Variants in GNAS observed in about 807,000 individuals in gnomAD.
The protein encoded by GNAS is GNAS complex locus, also known as protein ALEX.
GNAS carries 8 observed loss-of-function variants against 54.5 expected under a neutral mutation model. The observed-to-expected ratio is 0.15, with a 90% CI of 0.09 to 0.26. The LOEUF is 0.26. Among genes scored for constraint, GNAS ranks in the 10% least tolerant of loss-of-function variants. The probability of loss-of-function intolerance (pLI) is 1.00; values close to 1 mark genes in which losing one functional copy is unlikely to be tolerated. For synonymous variants in GNAS, 204 were observed against 191.4 expected (o/e 1.07, Z -0.54); for missense variants, 170 against 529.8 (o/e 0.32, Z 6.67).
Position 58,891,693 on chromosome 20 carries a change from AGCCCGGCCGCGCCCCGCCGCC to A in GNAS, c.-30_-10del. The A allele has an allele frequency of 1.0e-6, 1 of 984,250 alleles. No homozygotes were observed. The highest frequency in any genetic ancestry group is 2.0e-5 in the African/African-American group (1 of 50,882). 61.0% of individuals were successfully genotyped at this position (984,250 alleles called of 1,614,324 possible). A position where few individuals can be genotyped will look rare whatever the true frequency, so the allele number is the denominator to read the frequency against. ...GGCCGCCCGCGCCCGCCGCCGCCGC[AGCCCGGCCGCGCCCCGCCGCC>A]GCCGCCGCCGCCATGGGCTGCCTCG... On this transcript the variant is annotated 5_prime_UTR_variant, in exon 1 of 13. Transcript: ENST00000371085.
intron 3 of GNAS, among the ~76,000 whole-genome samples, chr20:58,902,089 C>T (rs561204253): frequency 3.7e-4 from 55 of 147,288 alleles, no homozygotes; most frequent in Admixed American, 4.8e-4. Flanking sequence ...AACTCTGTCC[C>T]CTCCATCTCC....
upstream of GNAS, chr20:58,889,504 C>T (rs1398363821): frequency 4.1e-6 from 1 of 241,822 alleles, no homozygotes; most frequent in Non-Finnish European, 6.6e-6. Flanking sequence ...TCTCTTTTCT[C>T]TTCTCCATTG....
In GNAS at chr20:58,891,443, C is replaced by A; in HGVS notation, c.-284C>A. The A allele has an allele frequency of 1.8e-6, 1 of 570,136 alleles. No individual in the cohort carries two copies. Among genetic ancestry groups the A allele is most frequent in the Non-Finnish European group, 2.2e-6 (1 of 452,514 alleles). The allele number at this position is 570,136 out of a possible 1,614,324, so 35.3% of individuals were successfully genotyped here. On this transcript the variant is annotated 5_prime_UTR_variant, in exon 1 of 13. The change creates a new upstream start codon in the 5' untranslated region. Transcript: ENST00000371085. Reference sequence around the variant, plus strand: ...GGCAGCAGCTCCCGCAGCTCCTGCTCTGGTCCGCCTCGGCCCGGCGGCGGC... The same window carrying A: ...GGCAGCAGCTCCCGCAGCTCCTGCTATGGTCCGCCTCGGCCCGGCGGCGGC...
intron 1 of GNAS, chr20:58,892,270 G>A (rs1446905558): frequency 2.5e-6 from 2 of 796,482 alleles, no homozygotes; most frequent in Middle Eastern, 6.2e-4. Flanking sequence ...ACAAAAAGAG[G>A]GTTTCGGGGA....
chr20:58,866,080 G>C (rs2087048784), intron 1 of GNAS, among the ~76,000 whole-genome samples: 1 of 152,094 alleles, frequency 6.6e-6, no homozygotes, highest in Non-Finnish European at 1.5e-5. Context: ...TCAGCTCTAG[G>C]GTGGCAGGAG....
chr20:58,858,701 C>T (rs2086623037), intron 1 of GNAS, among the ~76,000 whole-genome samples: 2 of 152,156 alleles, frequency 1.3e-5, no homozygotes, highest in African/African-American at 4.8e-5. Context: ...CAGTGAATCA[C>T]AATTAATTGT....
chr20:58,897,184 T>C (rs1227683461), intron 2 of GNAS, among the ~76,000 whole-genome samples: 1 of 152,232 alleles, frequency 6.6e-6, no homozygotes, highest in Non-Finnish European at 1.5e-5. Context: ...ATACGTGCTA[T>C]TGAGTAAGTC....
At chr20:58,888,991 GC>G (rs953060551), upstream of GNAS, 2 of 884,772 alleles carry the variant, frequency 2.3e-6, no homozygotes, top group Admixed American at 6.3e-5. Flanking sequence ...CCCGGCCCAC[GC>G]CCGCGCGGTC....
intron 1 of GNAS, chr20:58,855,418 G>A: frequency 8.1e-7 from 1 of 1,240,348 alleles, no homozygotes. Flanking sequence ...GGGGCTAGGG[G>A]CTCCGCAGTG....
intron 1 of GNAS, chr20:58,882,898 G>A (rs537615199): frequency 5.3e-5 from 8 of 152,120 alleles, no homozygotes; most frequent in Admixed American, 3.3e-4. Flanking sequence ...TTCTTCTTTC[G>A]TTTCATTTAT....
chr20:58,897,877 C>T (rs2146053159), intron 2 of GNAS: 1 of 152,286 alleles, frequency 6.6e-6, no homozygotes, highest in South Asian at 2.1e-4. Context: ...TAGGAATTCC[C>T]TATGAGACAG....
intron 1 of GNAS, among the ~76,000 whole-genome samples, chr20:58,859,860 G>A (rs188184633): frequency 5.3e-5 from 8 of 151,764 alleles, no homozygotes; most frequent in East Asian, 2.0e-4. Context: ...TCCTGACCTC[G>A]TGATCCGCCC....
chr20:58,842,031 G>A (rs6100248), intron 1 of GNAS: 2 of 677,774 alleles, frequency 3.0e-6, no homozygotes, highest in Admixed American at 4.3e-5. Flanking sequence ...AAAGGAGGCA[G>A]GGGCCGGCGG....
chr20:58,846,263 G>A (rs145659197), intron 1 of GNAS, among the ~76,000 whole-genome samples: 286 of 152,288 alleles, frequency 1.9e-3, no homozygotes, highest in South Asian at 5.0e-3. Context: ...AGAGAGAAAG[G>A]TTGAGGGCAG....
At chr20:58,846,565 G>A (rs147756102) in intron 1 of GNAS, among the ~76,000 whole-genome samples, 2 of 152,206 alleles carry the variant, frequency 1.3e-5, no homozygotes, top group Admixed American at 1.3e-4. Flanking sequence ...CAAGGCTAAA[G>A]CTTTGGGTTT....
intron 2 of GNAS, chr20:58,898,442 T>G (rs2090283595): frequency 6.2e-6 from 1 of 161,068 alleles, no homozygotes; most frequent in African/African-American, 2.4e-5. Flanking sequence ...TTATAGGTAG[T>G]TTCCTTCCAC....
chr20:58,870,588 G>A (rs760725396), intron 1 of GNAS, among the ~76,000 whole-genome samples: 1 of 152,212 alleles, frequency 6.6e-6, no homozygotes, highest in Non-Finnish European at 1.5e-5. Context: ...GTTTTGGTTG[G>A]GGCTCTCATC....
At chr20:58,888,971 C>A, upstream of GNAS, 1 of 651,210 alleles carries the variant, frequency 1.5e-6, no homozygotes, top group Non-Finnish European at 1.9e-6. Context: ...GCCATCGCGG[C>A]CCCCGCGCCC....
At chr20:58,842,081 C>T (rs1001880476) in intron 1 of GNAS, 29 of 412,042 alleles carry the variant, frequency 7.0e-5, no homozygotes, top group Admixed American at 2.2e-4. Context: ...GCGGCGTGCT[C>T]CGGCCATTTT....
Sources: gnomAD v4.1 joint callset for allele counts (sites outside exome capture counted in the v4.1 genomes callset) on GRCh38, gnomAD v4.1.1 for gene constraint, MANE v1.5 for transcripts, NCBI Gene and HGNC (gene_info 2026-07-23, HGNC 2026-07-21) for gene names.